The following IL1RAPL2 variants were observed in gnomAD, a reference collection of about 807,000 sequenced individuals.
IL1RAPL2 encodes the protein interleukin 1 receptor accessory protein like 2, also known as X-linked interleukin-1 receptor accessory protein-like 2.
In IL1RAPL2, 3 loss-of-function variants were observed where a neutral mutation model predicts 44.1. That is an observed-to-expected ratio of 0.07 (90% confidence interval 0.03 to 0.18). The LOEUF is 0.18. Ranked by LOEUF, IL1RAPL2 falls within the 10% of genes least tolerant of loss-of-function variation. The pLI is 1.00. For missense variants in IL1RAPL2, 391 were observed against 496.4 expected (o/e 0.79, Z 2.02); for synonymous variants, 181 against 178.8 (o/e 1.01, Z -0.10).
At chrX:104,840,526 A>T (rs2057775597) in intron 2 of IL1RAPL2, among the ~76,000 whole-genome samples, 1 of 112,005 alleles carries the variant, frequency 8.9e-6, no homozygotes, top group Admixed American at 9.5e-5. Flanking sequence ...AACACTGAGA[A>T]GAATGTGTAT....
At chrX:105,621,349 C>A (rs2037417508) in intron 6 of IL1RAPL2, among the ~76,000 whole-genome samples, 1 of 111,625 alleles carries the variant, frequency 9.0e-6, no homozygotes, top group Non-Finnish European at 1.9e-5. Flanking sequence ...TTCTCCAACA[C>A]TTAGCACAGA....
intron 5 of IL1RAPL2, among the ~76,000 whole-genome samples, chrX:105,370,375 C>A (rs2035328400): frequency 9.0e-6 from 1 of 111,284 alleles, no homozygotes; most frequent in African/African-American, 3.3e-5. Flanking sequence ...AACCCTCCTC[C>A]CACCCTCCAC....
chrX:104,924,388 G>T (rs948229052), intron 2 of IL1RAPL2, among the ~76,000 whole-genome samples: 1 of 111,775 alleles, frequency 8.9e-6, no homozygotes, highest in African/African-American at 3.2e-5. Context: ...CCCAACAACT[G>T]CAGGATATAC....
intron 5 of IL1RAPL2, among the ~76,000 whole-genome samples, chrX:105,359,359 A>T (rs1360342677): frequency 8.9e-6 from 1 of 111,861 alleles, no homozygotes; most frequent in Admixed American, 9.5e-5. Context: ...AATAAATCAG[A>T]TTTTAATTCA....
At chrX:104,987,227 G>C (rs2147730156) in intron 2 of IL1RAPL2, among the ~76,000 whole-genome samples, 1 of 111,541 alleles carries the variant, frequency 9.0e-6, no homozygotes, top group South Asian at 3.8e-4. Flanking sequence ...GGCTACTCAG[G>C]AGGATGGCCT....
chrX:104,922,304 A>T (rs1028413936), intron 2 of IL1RAPL2, among the ~76,000 whole-genome samples: 1 of 113,279 alleles, frequency 8.8e-6, no homozygotes, highest in South Asian at 3.6e-4. Context: ...TGCATGACCC[A>T]TCACAACTGC....
At chrX:104,888,453 T>G (rs1243385843) in intron 2 of IL1RAPL2, among the ~76,000 whole-genome samples, 2 of 110,892 alleles carry the variant, frequency 1.8e-5, no homozygotes, top group Non-Finnish European at 3.8e-5. Context: ...TGACAGCAAT[T>G]TACTCCTACC....
intron 6 of IL1RAPL2, among the ~76,000 whole-genome samples, chrX:105,681,382 C>T: frequency 1.8e-5 from 2 of 111,320 alleles, no homozygotes; most frequent in Middle Eastern, 4.6e-3. Flanking sequence ...TGTTCTGAGC[C>T]CCAACAATAG....
At chrX:104,655,185 C>A (rs1041681428) in intron 1 of IL1RAPL2, among the ~76,000 whole-genome samples, 1 of 111,473 alleles carries the variant, frequency 9.0e-6, no homozygotes, top group Non-Finnish European at 1.9e-5. Context: ...TGCCTGATTG[C>A]CCTGGCCAGA....
intron 6 of IL1RAPL2, among the ~76,000 whole-genome samples, chrX:105,568,343 A>AT (rs753304263): frequency 2.7e-5 from 3 of 112,253 alleles, no homozygotes; most frequent in East Asian, 5.6e-4. Context: ...ACATGGATTT[A>AT]TTTTAAAAAT....
chrX:105,126,923 C>T (rs932039120), intron 2 of IL1RAPL2, among the ~76,000 whole-genome samples: 2 of 111,141 alleles, frequency 1.8e-5, no homozygotes, highest in African/African-American at 6.5e-5. Context: ...AGAGCATCAC[C>T]ACATATTACA....
At chrX:105,747,494 G>A (rs866897700) in intron 8 of IL1RAPL2, among the ~76,000 whole-genome samples, 28 of 38,409 alleles carry the variant, frequency 7.3e-4, no homozygotes, top group African/African-American at 3.1e-3. Context: ...GTGTGTGTAT[G>A]TGTGTGTGTG....
At chrX:104,688,393 T>C (rs953117721) in intron 2 of IL1RAPL2, among the ~76,000 whole-genome samples, 1 of 111,241 alleles carries the variant, frequency 9.0e-6, no homozygotes, top group Non-Finnish European at 1.9e-5. Flanking sequence ...TGCTTTTTTT[T>C]CCTTCAGATC....
At chrX:105,251,313 C>G (rs1394464375) in intron 4 of IL1RAPL2, among the ~76,000 whole-genome samples, 1 of 110,276 alleles carries the variant, frequency 9.1e-6, no homozygotes, top group Non-Finnish European at 1.9e-5. Context: ...AAAATGGTTT[C>G]CCAAAATGCT....
intron 10 of IL1RAPL2, among the ~76,000 whole-genome samples, chrX:105,766,621 G>A (rs990979064): frequency 9.0e-6 from 1 of 110,879 alleles, no homozygotes; most frequent in Non-Finnish European, 1.9e-5. Flanking sequence ...TCTTTTCATC[G>A]GCTCCTTGAT....
intron 2 of IL1RAPL2, among the ~76,000 whole-genome samples, chrX:104,866,502 A>G (rs1031198154): frequency 1.2e-4 from 13 of 111,980 alleles, no homozygotes; most frequent in Non-Finnish European, 3.8e-5. Context: ...TTTTATTGAA[A>G]CATATTTATG....
intron 5 of IL1RAPL2, among the ~76,000 whole-genome samples, chrX:105,368,451 G>T (rs933495589): frequency 1.8e-5 from 2 of 111,294 alleles, no homozygotes; most frequent in African/African-American, 6.5e-5. Context: ...TAAGACACTG[G>T]GTATAGTATT....
In IL1RAPL2 at chrX:105,184,306, A is replaced by G. The variant is rs183358002; in HGVS notation, c.83-11169A>G. Among the ~76,000 whole-genome samples the G allele has an allele frequency of 3.8e-3, 423 of 111,209 alleles. 4 individuals are homozygous for G. Among genetic ancestry groups the G allele is most frequent in the African/African-American group, 0.013 (396 of 30,638 alleles). ...AGGTGAGTGTTTGATACCTCTAGTAAGCCATCTTGAATCCTTCCTGAATAT... is the reference window on the plus strand; with the variant it reads ...AGGTGAGTGTTTGATACCTCTAGTAGGCCATCTTGAATCCTTCCTGAATAT... On this transcript the variant is annotated intron_variant, in intron 2 of 10. Coordinates refer to ENST00000372582, the MANE Select transcript of IL1RAPL2 (RefSeq NM_017416.2).
intron 2 of IL1RAPL2, among the ~76,000 whole-genome samples, chrX:105,178,609 C>A: frequency 8.9e-6 from 1 of 111,777 alleles, no homozygotes; most frequent in South Asian, 3.8e-4. Context: ...TACATTCCTA[C>A]CAACGGTGTA....
Sources: allele counts gnomAD v4.1 joint callset (sites outside exome capture counted in the v4.1 genomes callset), GRCh38; gene constraint gnomAD v4.1.1; transcripts MANE v1.5; gene names NCBI Gene and HGNC (gene_info 2026-07-23, HGNC 2026-07-21).